Variants in OPCML observed in about 807,000 individuals in gnomAD.
OPCML encodes opioid binding protein/cell adhesion molecule like.
Under a neutral mutation model 37.8 loss-of-function variants are expected in OPCML, and 13 were observed. That is an observed-to-expected ratio of 0.34 (90% confidence interval 0.22 to 0.55). The LOEUF (loss-of-function observed/expected upper bound fraction) is 0.55. Ranked by LOEUF, OPCML falls within the 20% of genes least tolerant of loss-of-function variation. The pLI, the probability that OPCML is intolerant of heterozygous loss-of-function variation, is 0.91. For missense variants in OPCML, 341 were observed against 435.6 expected (o/e 0.78, Z 1.93); for synonymous variants, 176 against 168.8 (o/e 1.04, Z -0.33).
At chr11:132,895,247 A>T (rs188520242) in intron 2 of OPCML, among the ~76,000 whole-genome samples, 119 of 152,332 alleles carry the variant, frequency 7.8e-4, no homozygotes, top group African/African-American at 2.7e-3. Context: ...AAACTTGGTG[A>T]CTTCTATATA....
intron 1 of OPCML, among the ~76,000 whole-genome samples, chr11:133,101,707 G>C (rs1949087164): frequency 3.9e-5 from 6 of 152,126 alleles, no homozygotes. Context: ...TGGCCATAAT[G>C]CTCCTTGCTT....
At chr11:132,872,350 G>A (rs764475135) in intron 2 of OPCML, among the ~76,000 whole-genome samples, 1 of 152,118 alleles carries the variant, frequency 6.6e-6, no homozygotes. Flanking sequence ...CAGATGCTAT[G>A]GGCTGTTGCA....
At chr11:132,773,617 T>C (rs7949184) in intron 2 of OPCML, among the ~76,000 whole-genome samples, 5,519 of 152,286 alleles carry the variant, frequency 0.036, 267 homozygotes, top group African/African-American at 0.11. Context: ...GAGCTTTGTA[T>C]CGAAAACTGT....
intron 1 of OPCML, among the ~76,000 whole-genome samples, chr11:132,970,094 C>T (rs2136751959): frequency 6.6e-6 from 1 of 152,258 alleles, no homozygotes; most frequent in Admixed American, 6.5e-5. Context: ...GTGACTCATC[C>T]ATCTCCCTCT....
chr11:133,316,764 G>A (rs1013496156), intron 1 of OPCML, among the ~76,000 whole-genome samples: 2 of 152,062 alleles, frequency 1.3e-5, no homozygotes, highest in African/African-American at 2.4e-5. Context: ...TTATATATGC[G>A]GGGATATTCA....
At chr11:132,820,591 G>C (rs968262333) in intron 2 of OPCML, among the ~76,000 whole-genome samples, 9 of 152,184 alleles carry the variant, frequency 5.9e-5, no homozygotes, top group Non-Finnish European at 1.2e-4. Context: ...CATTCAGGGA[G>C]AAGATGTGTG....
intron 2 of OPCML, among the ~76,000 whole-genome samples, chr11:132,735,762 C>T (rs920069832): frequency 5.9e-5 from 9 of 152,112 alleles, no homozygotes; most frequent in Non-Finnish European, 1.0e-4. Context: ...GGATTACAGG[C>T]GTGAGCCACC....
At chr11:133,247,620 T>C (rs1445240695) in intron 1 of OPCML, among the ~76,000 whole-genome samples, 1 of 148,230 alleles carries the variant, frequency 6.7e-6, no homozygotes, top group African/African-American at 2.5e-5. Flanking sequence ...TCTTTTTTTT[T>C]TGAGGCTGAG....
chr11:132,532,773 A>G (rs548632938), intron 3 of OPCML, among the ~76,000 whole-genome samples: 12 of 152,200 alleles, frequency 7.9e-5, no homozygotes, highest in African/African-American at 2.6e-4. Flanking sequence ...GCGGACCACA[A>G]CAGGAGAAGC....
chr11:132,781,411 C>T (rs1204781505), intron 2 of OPCML, among the ~76,000 whole-genome samples: 2 of 151,964 alleles, frequency 1.3e-5, no homozygotes, highest in African/African-American at 4.8e-5. Context: ...AACATTAGCC[C>T]TCCCTAGGTC....
In OPCML at chr11:132,416,378, T is replaced by C. The variant is rs1001487290; in HGVS notation, c.*3815A>G. 1 of 152,188 alleles carries C rather than the reference T, an allele frequency of 6.6e-6. No individual in the cohort carries two copies. Among genetic ancestry groups the C allele is most frequent in the Non-Finnish European group, 1.5e-5 (1 of 68,044 alleles). 9.4% of individuals were successfully genotyped at this position (152,188 alleles called of 1,614,324 possible). On this transcript the variant is annotated 3_prime_UTR_variant, in exon 8 of 8. Coordinates refer to ENST00000524381, the MANE Select transcript of OPCML (RefSeq NM_001012393.5). ...AGCCAACCAGCACTTGAAAATTCAATGTACAGCCACTCCTGATGCCGCCAC... is the reference window on the plus strand; with the variant it reads ...AGCCAACCAGCACTTGAAAATTCAACGTACAGCCACTCCTGATGCCGCCAC...
chr11:132,861,420 C>T (rs997021961), intron 2 of OPCML, among the ~76,000 whole-genome samples: 2 of 152,162 alleles, frequency 1.3e-5, no homozygotes, highest in African/African-American at 4.8e-5. Context: ...ATTATGTATT[C>T]AAAAATGTCT....
At chr11:133,368,224 T>G (rs1944591149) in intron 1 of OPCML, among the ~76,000 whole-genome samples, 5 of 107,824 alleles carry the variant, frequency 4.6e-5, no homozygotes, top group Non-Finnish European at 5.3e-5. Context: ...AGGGGAGGAA[T>G]ATAGAGAAGG....
rs1945626070 is a variant in OPCML, at chr11:132,942,806, G to A, written c.146+120C>T. The A allele has an allele frequency of 3.8e-6, 5 of 1,325,380 alleles. No individual in the cohort carries two copies. In the Admixed American group the frequency reaches 5.9e-5, roughly 16 times the overall value. The allele number at this position is 1,325,380 out of a possible 1,614,324, so 82.1% of individuals were successfully genotyped here. ...GGCAGCACGCAAGCGGGCGCCCCTC[G>A]GGCCTGCACAAGGCCCACTCGCGTT... is the stretch of plus-strand genomic sequence containing the variant. On this transcript the variant is annotated intron_variant, in intron 2 of 7. Coordinates refer to ENST00000524381, the MANE Select transcript of OPCML (RefSeq NM_001012393.5).
chr11:132,902,351 AC>A (rs1429151308), intron 2 of OPCML, among the ~76,000 whole-genome samples: 41 of 152,110 alleles, frequency 2.7e-4, no homozygotes, highest in Non-Finnish European at 1.5e-5. Flanking sequence ...AAAATAAAAA[AC>A]TTCCTGAGGG....
intron 1 of OPCML, among the ~76,000 whole-genome samples, chr11:133,351,263 C>G (rs1944131013): frequency 6.6e-6 from 1 of 152,124 alleles, no homozygotes; most frequent in Non-Finnish European, 1.5e-5. Context: ...CATCTCTCTC[C>G]TTTCTCATGT....
intron 2 of OPCML, among the ~76,000 whole-genome samples, chr11:132,941,833 G>A (rs55679523): frequency 0.15 from 23,143 of 152,178 alleles, 2,248 homozygotes; most frequent in African/African-American, 0.27. Flanking sequence ...GTGTCCCAGA[G>A]ACAGGTCTTT....
At chr11:132,480,409 T>A (rs1288807970) in intron 4 of OPCML, among the ~76,000 whole-genome samples, 1 of 152,172 alleles carries the variant, frequency 6.6e-6, no homozygotes, top group Non-Finnish European at 1.5e-5. Context: ...TACCTGAAAG[T>A]GATGGGGAGA....
intron 1 of OPCML, among the ~76,000 whole-genome samples, chr11:133,201,443 A>C (rs1938784581): frequency 6.6e-6 from 1 of 152,128 alleles, no homozygotes; most frequent in South Asian, 2.1e-4. Context: ...CAAGATGGTC[A>C]AACGTTTTGA....
Sources: allele counts gnomAD v4.1 joint callset (sites outside exome capture counted in the v4.1 genomes callset), GRCh38; gene constraint gnomAD v4.1.1; transcripts MANE v1.5; gene names NCBI Gene and HGNC (gene_info 2026-07-23, HGNC 2026-07-21).